Variants in RBFOX1 observed in about 807,000 individuals in gnomAD.
RBFOX1 encodes RNA binding fox-1 homolog 1, also known as RNA binding protein fox-1 homolog 1.
A neutral mutation model predicts 57.7 loss-of-function variants in RBFOX1; 8 were observed. The ratio of observed to expected loss-of-function variants is 0.14; its 90% CI spans 0.08 to 0.25. The LOEUF is 0.25. Among genes scored for constraint, RBFOX1 ranks in the 10% least tolerant of loss-of-function variants. The pLI is 1.00. For synonymous variants in RBFOX1, 326 were observed against 222.4 expected, an observed-to-expected ratio of 1.47 and a Z score of -4.15; for missense variants, 611 against 548.5, an observed-to-expected ratio of 1.11 and a Z score of -1.14.
Position 5,247,606 on chromosome 16 carries a change from A to G in RBFOX1, c.219+7501A>G, listed in dbSNP as rs559485555. Among the ~76,000 whole-genome samples, 303 of 152,306 alleles carry G rather than the reference A, an allele frequency of 2.0e-3. 1 individual carries two copies. The highest frequency in any genetic ancestry group is 4.7e-3 in the Admixed American group (72 of 15,300). On this transcript the variant is annotated intron_variant, in intron 1 of 2. Transcript: ENST00000585867. ...CAGCCCCCTGCCTGTTCATACAAAT[A>G]AAGTTTTATTGGAACACAGCCACAC...
chr16:7,689,529 C>T (rs979503290), intron 14 of RBFOX1, among the ~76,000 whole-genome samples: 30 of 151,974 alleles, frequency 2.0e-4, no homozygotes, highest in Admixed American at 1.3e-4. Context: ...GATTACCAGA[C>T]CTCTCTCCTG....
At chr16:7,490,288 A>T (rs1027149217) in intron 4 of RBFOX1, among the ~76,000 whole-genome samples, 1 of 152,206 alleles carries the variant, frequency 6.6e-6, no homozygotes, top group African/African-American at 2.4e-5. Context: ...ATAAGTGTGC[A>T]GTTTCTGATC....
At chr16:5,782,564 G>A (rs1002362519) in intron 3 of RBFOX1, among the ~76,000 whole-genome samples, 16 of 152,208 alleles carry the variant, frequency 1.1e-4, no homozygotes, top group African/African-American at 3.9e-4. Flanking sequence ...GAAGAAGACA[G>A]TGTCAGGATG....
Position 6,916,659 on chromosome 16 carries a change from C to T in RBFOX1, c.-15-135398C>T, listed in dbSNP as rs550158034. 3.3e-5 allele frequency among the ~76,000 whole-genome samples: 5 copies of T among 152,198 alleles called. No homozygotes were observed. In the South Asian group the frequency reaches 8.3e-4, roughly 25 times the overall value. On this transcript the variant is annotated intron_variant, in intron 3 of 15. Coordinates refer to ENST00000550418, the MANE Select transcript of RBFOX1 (RefSeq NM_018723.4). The stretch of plus-strand genomic sequence containing the variant: ...TGTTTTTCTGGATGGTCATCACGAC[C>T]TTCCCAGGTCGTCCTTTTACCTCTC...
chr16:6,693,761 A>G (rs71392493), intron 3 of RBFOX1, among the ~76,000 whole-genome samples: 3 of 151,578 alleles, frequency 2.0e-5, no homozygotes, highest in Non-Finnish European at 2.9e-5. Flanking sequence ...CATCACCACC[A>G]TCATTAGCAA....
intron 4 of RBFOX1, among the ~76,000 whole-genome samples, chr16:7,323,736 G>A (rs967112459): frequency 1.3e-5 from 2 of 152,218 alleles, no homozygotes; most frequent in Admixed American, 6.5e-5. Flanking sequence ...ACTGTGTCTG[G>A]CACATAGTAA....
chr16:5,983,709 C>A (rs1380240941), intron 4 of RBFOX1, among the ~76,000 whole-genome samples: 2 of 152,124 alleles, frequency 1.3e-5, no homozygotes, highest in East Asian at 3.9e-4. Context: ...AAGAGAGCAT[C>A]GAGTTGGAAT....
intron 3 of RBFOX1, among the ~76,000 whole-genome samples, chr16:5,842,275 A>T (rs999386437): frequency 6.6e-6 from 1 of 152,074 alleles, no homozygotes; most frequent in Non-Finnish European, 1.5e-5. Flanking sequence ...TCATATGAGA[A>T]GTAGTTAAGC....
chr16:6,609,423 C>T (rs2098004651), intron 2 of RBFOX1, among the ~76,000 whole-genome samples: 2 of 152,096 alleles, frequency 1.3e-5, no homozygotes, highest in Admixed American at 6.5e-5. Context: ...CAGCTCACTG[C>T]AATCTCCTCT....
rs74758523 is a variant in RBFOX1 at position 7,414,945 on chromosome 16, A to G, written c.28-103202A>G. Among the ~76,000 whole-genome samples the G allele has an allele frequency of 6.4e-3, 975 of 152,296 alleles. 8 individuals carry two copies. Among genetic ancestry groups the G allele is most frequent in the African/African-American group, 0.021 (877 of 41,562 alleles). ...TTATTTCTAATCCCTGTAACAGATT[A>G]TGCAAGGGAAGGTGTTTCATCCCAA... On this transcript the variant is annotated intron_variant, in intron 4 of 15. Coordinates refer to ENST00000550418, the MANE Select transcript of RBFOX1 (RefSeq NM_018723.4).
Position 5,762,819 on chromosome 16 carries a change from C to G in RBFOX1, c.319-104484C>G, listed in dbSNP as rs144263636. On this transcript the variant is annotated intron_variant, in intron 3 of 19. Transcript: ENST00000641259. ...AGGTCTGGGAAGATATTTCTGATTC[C>G]TCAAGTGAAAAATTATGTTAAATGG... is the stretch of plus-strand genomic sequence containing the variant. Among the ~76,000 whole-genome samples the G allele has an allele frequency of 1.3e-3, 192 of 152,162 alleles. 1 individual carries two copies. Among genetic ancestry groups the G allele is most frequent in the African/African-American group, 4.5e-3 (185 of 41,502 alleles).
chr16:5,246,669 TTTTC>T (rs1321498003), intron 1 of RBFOX1, among the ~76,000 whole-genome samples: 1 of 151,568 alleles, frequency 6.6e-6, no homozygotes, highest in East Asian at 1.9e-4. Context: ...TTAATTTTCT[TTTTC>T]TTTCTTTTTT....
At chr16:5,574,170 G>C (rs1007980443) in intron 2 of RBFOX1, among the ~76,000 whole-genome samples, 12 of 152,142 alleles carry the variant, frequency 7.9e-5, no homozygotes, top group African/African-American at 2.9e-4. Context: ...GGATCTATGA[G>C]GGCATCGAGT....
chr16:5,415,348 G>C (rs551899361), intron 1 of RBFOX1, among the ~76,000 whole-genome samples: 1 of 152,246 alleles, frequency 6.6e-6, no homozygotes, highest in Non-Finnish European at 1.5e-5. Context: ...TTGCTATCAC[G>C]AGAACAGCAT....
chr16:7,470,091 T>A (rs1193833865), intron 4 of RBFOX1, among the ~76,000 whole-genome samples: 1 of 152,172 alleles, frequency 6.6e-6, no homozygotes, highest in East Asian at 1.9e-4. Context: ...TCTGTTCATA[T>A]GTCAATGGAC....
chr16:6,624,214 TTCC>T (rs1340508531), intron 2 of RBFOX1, among the ~76,000 whole-genome samples: 3 of 152,208 alleles, frequency 2.0e-5, no homozygotes, highest in African/African-American at 7.2e-5. Context: ...GTTACTGCCT[TTCC>T]TAAGGAGTAA....
At chr16:7,521,740 C>G (rs756901593) in intron 5 of RBFOX1, among the ~76,000 whole-genome samples, 5 of 152,164 alleles carry the variant, frequency 3.3e-5, no homozygotes, top group Admixed American at 6.5e-5. Flanking sequence ...TTTTCAAAAT[C>G]ATAGTCAGAG....
chr16:5,836,332 C>T (rs1388261188), intron 3 of RBFOX1, among the ~76,000 whole-genome samples: 1 of 152,242 alleles, frequency 6.6e-6, no homozygotes, highest in Middle Eastern at 3.4e-3. Context: ...CTCCAAGACC[C>T]TTTGCCTGGC....
chr16:6,787,541 A>G (rs1331597037), intron 3 of RBFOX1, among the ~76,000 whole-genome samples: 1 of 152,148 alleles, frequency 6.6e-6, no homozygotes, highest in Non-Finnish European at 1.5e-5. Context: ...TGTAAACTGT[A>G]TTAATTTGTG....
Sources: allele counts gnomAD v4.1 joint callset (sites outside exome capture counted in the v4.1 genomes callset), GRCh38; gene constraint gnomAD v4.1.1; transcripts MANE v1.5; gene names NCBI Gene and HGNC (gene_info 2026-07-23, HGNC 2026-07-21).